The following TMEM132D variants were observed in gnomAD, a reference collection of about 807,000 sequenced individuals.
The protein encoded by TMEM132D is transmembrane protein 132D.
Under a neutral mutation model 62.3 loss-of-function variants are expected in TMEM132D, and 21 were observed. That is an observed-to-expected ratio of 0.34 (90% CI 0.24 to 0.49). The LOEUF is 0.49. Among genes scored for constraint, TMEM132D ranks in the 20% least tolerant of loss-of-function variants. The probability of loss-of-function intolerance (pLI) is 0.99; values close to 1 mark genes in which losing one functional copy is unlikely to be tolerated. For missense variants in TMEM132D, 1,346 were observed against 1,402.8 expected (o/e 0.96, Z 0.65); for synonymous variants, 621 against 575.6 (o/e 1.08, Z -1.13).
At chr12:129,134,154 C>CTGTGTGTGTGTCTG (rs1323827651) in intron 5 of TMEM132D, among the ~76,000 whole-genome samples, 1 of 133,712 alleles carries the variant, frequency 7.5e-6, no homozygotes, top group African/African-American at 3.1e-5. Context: ...GTGTCTGTGT[C>CTGTGTGTGTGTCTG]TGTGTGTGTG....
chr12:129,581,780 G>A (rs1297862582), intron 2 of TMEM132D, among the ~76,000 whole-genome samples: 1 of 152,160 alleles, frequency 6.6e-6, no homozygotes, highest in East Asian at 1.9e-4. Flanking sequence ...TGCCCTCACA[G>A]ACACACCCAG....
intron 5 of TMEM132D, among the ~76,000 whole-genome samples, chr12:129,176,474 G>A (rs1283088481): frequency 6.6e-6 from 1 of 152,208 alleles, no homozygotes; most frequent in African/African-American, 2.4e-5. Flanking sequence ...GGAACTTCAG[G>A]AAATTTTCCC....
At chr12:129,870,951 A>G (rs1874220805) in intron 1 of TMEM132D, among the ~76,000 whole-genome samples, 1 of 152,110 alleles carries the variant, frequency 6.6e-6, no homozygotes, top group South Asian at 2.1e-4. Context: ...AGGACACACC[A>G]TTGGTATCAG....
intron 1 of TMEM132D, among the ~76,000 whole-genome samples, chr12:129,813,427 G>C (rs999515520): frequency 6.6e-6 from 1 of 151,548 alleles, no homozygotes; most frequent in African/African-American, 2.4e-5. Context: ...TAAAATAGAA[G>C]GCAGGCAGTA....
At chr12:129,400,676 C>G (rs1263409661) in intron 3 of TMEM132D, among the ~76,000 whole-genome samples, 3 of 152,154 alleles carry the variant, frequency 2.0e-5, no homozygotes, top group Non-Finnish European at 4.4e-5. Context: ...TTACTCAACA[C>G]CACCATTTTC....
At chr12:129,821,711 G>A (rs530227292) in intron 1 of TMEM132D, among the ~76,000 whole-genome samples, 18 of 152,168 alleles carry the variant, frequency 1.2e-4, no homozygotes, top group Non-Finnish European at 2.1e-4. Flanking sequence ...TCAACACACA[G>A]GTGCATCACC....
At chr12:129,646,106 T>G (rs1475465543) in intron 2 of TMEM132D, among the ~76,000 whole-genome samples, 1 of 152,208 alleles carries the variant, frequency 6.6e-6, no homozygotes, top group African/African-American at 2.4e-5. Flanking sequence ...TTTACTCTGT[T>G]GGCTCGTACT....
intron 3 of TMEM132D, among the ~76,000 whole-genome samples, chr12:129,363,672 T>C (rs546060398): frequency 6.6e-6 from 1 of 152,320 alleles, no homozygotes; most frequent in South Asian, 2.1e-4. Context: ...CTATGCCACG[T>C]CTATGATCAA....
At position 129,231,193 on chromosome 12, in the gene TMEM132D, G is replaced by A. The variant is rs767977196; in HGVS notation, c.1300-21530C>T. Among the ~76,000 whole-genome samples, 8 of 152,318 alleles carry A rather than the reference G, an allele frequency of 5.3e-5. No homozygotes were observed. In the South Asian group the frequency reaches 1.2e-3, roughly 24 times the overall value. Reference sequence around the variant, plus strand: ...TAAGTTCAGGCAGCCTCATGCAAGCGCTTCCTGGCATGCCAGACTCAAACG... The same window carrying A: ...TAAGTTCAGGCAGCCTCATGCAAGCACTTCCTGGCATGCCAGACTCAAACG... On this transcript the variant is annotated intron_variant, in intron 4 of 8. Coordinates refer to ENST00000422113, the MANE Select transcript of TMEM132D (RefSeq NM_133448.3).
At chr12:129,134,535 A>AT (rs1377678666) in intron 5 of TMEM132D, among the ~76,000 whole-genome samples, 4 of 152,180 alleles carry the variant, frequency 2.6e-5, no homozygotes, top group African/African-American at 7.2e-5. Flanking sequence ...TATTTCTGTC[A>AT]GGCATTTTTC....
rs1270317821 is a variant in TMEM132D, at chr12:129,173,407, T to A, written c.1443+36113A>T. Reference sequence around the variant, plus strand: ...ACCTAAAATTTATAAAATAGGATATTCCCTAATGATAGGTTATTTCTCATA... The same window carrying A: ...ACCTAAAATTTATAAAATAGGATATACCCTAATGATAGGTTATTTCTCATA... On this transcript the variant is annotated intron_variant, in intron 5 of 8. Transcript: ENST00000422113. 3.3e-5 allele frequency among the ~76,000 whole-genome samples: 5 copies of A among 152,236 alleles called. No homozygotes were observed. In the East Asian group the frequency reaches 9.6e-4, roughly 29 times the overall value.
chr12:129,763,135 T>C (rs7302008), intron 1 of TMEM132D, among the ~76,000 whole-genome samples: 140,432 of 152,278 alleles, frequency 0.92, 65,247 homozygotes, highest in Non-Finnish European at 0.98. Flanking sequence ...TGGAGTGCAG[T>C]GATGCAATCT....
chr12:129,078,427 A>G, intron 8 of TMEM132D, 107 bp downstream of exon 8: 1 of 1,141,822 alleles, frequency 8.8e-7, no homozygotes, highest in Non-Finnish European at 1.2e-6. Context: ...AACGCCCGAT[A>G]TATGATCCCA....
At chr12:129,646,597 T>G (rs1879784663) in intron 2 of TMEM132D, among the ~76,000 whole-genome samples, 1 of 152,162 alleles carries the variant, frequency 6.6e-6, no homozygotes, top group South Asian at 2.1e-4. Context: ...AAATACTCTC[T>G]GGACTCTCTC....
chr12:129,650,413 G>C (rs2137182599), intron 2 of TMEM132D, among the ~76,000 whole-genome samples: 1 of 152,248 alleles, frequency 6.6e-6, no homozygotes, highest in South Asian at 2.1e-4. Context: ...ATGGTGTTTT[G>C]AACATTCTTG....
intron 4 of TMEM132D, among the ~76,000 whole-genome samples, chr12:129,337,204 G>A (rs1869310502): frequency 6.6e-6 from 1 of 152,026 alleles, no homozygotes; most frequent in Admixed American, 6.6e-5. Flanking sequence ...GACCAGGCGG[G>A]TGTTTGCCAA....
chr12:129,087,942 CG>C (rs34083310), intron 5 of TMEM132D, among the ~76,000 whole-genome samples: 4,181 of 34,506 alleles, frequency 0.12, 942 homozygotes, highest in East Asian at 0.35. Context: ...CCTCCATGAC[CG>C]GGGTGTCCTC....
At chr12:129,331,066 G>A (rs1293458617) in intron 4 of TMEM132D, among the ~76,000 whole-genome samples, 1 of 152,152 alleles carries the variant, frequency 6.6e-6, no homozygotes, top group Non-Finnish European at 1.5e-5. Context: ...GAGCCAACAT[G>A]GATCCTGTCT....
intron 1 of TMEM132D, among the ~76,000 whole-genome samples, chr12:129,848,052 CT>C (rs1873419825): frequency 6.6e-6 from 1 of 152,164 alleles, no homozygotes; most frequent in African/African-American, 2.4e-5. Flanking sequence ...TTAGCAATGA[CT>C]TTGCATAATG....
Sources: allele counts gnomAD v4.1 joint callset (sites outside exome capture counted in the v4.1 genomes callset), GRCh38; gene constraint gnomAD v4.1.1; transcripts MANE v1.5; gene names NCBI Gene and HGNC (gene_info 2026-07-23, HGNC 2026-07-21).